The following RBFOX1 variants were observed in gnomAD, a reference collection of about 807,000 sequenced individuals.
RBFOX1 encodes the protein RNA binding protein fox-1 homolog 1.
In RBFOX1, 8 loss-of-function variants were observed where a neutral mutation model predicts 57.7. The observed-to-expected ratio is 0.14, with a 90% confidence interval of 0.08 to 0.25. RBFOX1 has a LOEUF of 0.25. Ranked by LOEUF, RBFOX1 falls within the 10% of genes least tolerant of loss-of-function variation. RBFOX1 has a pLI of 1.00. For missense variants in RBFOX1, 611 were observed against 548.5 expected (o/e 1.11, Z -1.14); for synonymous variants, 326 against 222.4 (o/e 1.47, Z -4.15).
At chr16:7,349,348 T>G (rs1333178575) in intron 4 of RBFOX1, among the ~76,000 whole-genome samples, 1 of 152,120 alleles carries the variant, frequency 6.6e-6, no homozygotes, top group Non-Finnish European at 1.5e-5. Flanking sequence ...GTTTTCAATT[T>G]AAGTGACTTC....
chr16:6,842,190 A>T (rs962960155), intron 3 of RBFOX1, among the ~76,000 whole-genome samples: 1 of 150,008 alleles, frequency 6.7e-6, no homozygotes, highest in Non-Finnish European at 1.5e-5. Context: ...AAATAAATAA[A>T]TTGGAACTGA....
intron 2 of RBFOX1, among the ~76,000 whole-genome samples, chr16:6,496,479 G>C (rs557827895): frequency 6.6e-6 from 1 of 152,106 alleles, no homozygotes; most frequent in Admixed American, 6.5e-5. Context: ...TTGTGGTCTT[G>C]CTCATACAGA....
At chr16:5,815,156 A>ATTTTTTTTTT (rs71142650) in intron 3 of RBFOX1, among the ~76,000 whole-genome samples, 11 of 114,222 alleles carry the variant, frequency 9.6e-5, no homozygotes, top group African/African-American at 3.1e-4. Context: ...ATTTAATTTA[A>ATTTTTTTTTT]TTTTTTTTTT....
chr16:6,842,807 G>C (rs1262297617), intron 3 of RBFOX1, among the ~76,000 whole-genome samples: 1 of 151,982 alleles, frequency 6.6e-6, no homozygotes, highest in Non-Finnish European at 1.5e-5. Flanking sequence ...TTGTCCTAAT[G>C]CTCTCCCTCC....
At chr16:5,718,804 G>T (rs552831561) in intron 3 of RBFOX1, among the ~76,000 whole-genome samples, 2 of 152,232 alleles carry the variant, frequency 1.3e-5, no homozygotes, top group South Asian at 2.1e-4. Context: ...AGCTACTCCA[G>T]AGGCTGAGGC....
In RBFOX1 at chr16:6,311,173, G is replaced by A. The variant is rs995215981; in HGVS notation, c.-126-5822G>A. On this transcript the variant is annotated intron_variant, in intron 1 of 15. Transcript: ENST00000550418. ...TAGCTGGACGTTGTGGTGGGCACCT[G>A]TAATCCCAGCTACTCAGGTGGCTGA... is the stretch of plus-strand genomic sequence containing the variant. 5.9e-5 allele frequency among the ~76,000 whole-genome samples: 9 copies of A among 151,568 alleles called. No homozygotes were observed. The East Asian group carries it at 1.2e-3, about 20-fold the overall frequency.
At chr16:7,413,111 T>C (rs1024506087) in intron 4 of RBFOX1, among the ~76,000 whole-genome samples, 1 of 152,174 alleles carries the variant, frequency 6.6e-6, no homozygotes, top group African/African-American at 2.4e-5. Context: ...GGAATTATTT[T>C]ACTTGAGAAG....
intron 1 of RBFOX1, among the ~76,000 whole-genome samples, chr16:6,214,554 G>GA (rs2097319679): frequency 7.6e-6 from 1 of 131,566 alleles, no homozygotes; most frequent in African/African-American, 2.9e-5. Context: ...GACAGGGAGA[G>GA]GGGGAGAGGG....
rs557708434 is a variant in RBFOX1 at position 6,170,118 on chromosome 16, C to G, written c.-126-146877C>G. ...GACTCAAATATAGAAGTGGGGAGTC[C>G]TTCTCAGGCCACATTTAGTTTGCTT... On this transcript the variant is annotated intron_variant, in intron 1 of 15. Coordinates refer to ENST00000550418, the MANE Select transcript of RBFOX1 (RefSeq NM_018723.4). Among the ~76,000 whole-genome samples, 4 of 152,220 alleles carry G rather than the reference C, an allele frequency of 2.6e-5. No homozygotes were observed. In the East Asian group the frequency reaches 7.7e-4, roughly 29 times the overall value.
At chr16:6,091,555 T>C (rs2096174382) in intron 1 of RBFOX1, among the ~76,000 whole-genome samples, 1 of 152,116 alleles carries the variant, frequency 6.6e-6, no homozygotes, top group Non-Finnish European at 1.5e-5. Flanking sequence ...TGAGGCCGAG[T>C]GTCATGGCTC....
At chr16:6,421,898 T>C (rs80095957) in intron 2 of RBFOX1, among the ~76,000 whole-genome samples, 2,399 of 150,512 alleles carry the variant, frequency 0.016, 63 homozygotes, top group African/African-American at 0.054. Flanking sequence ...CCTGGTCCTG[T>C]TCCTCCTGTT....
In RBFOX1 at chr16:6,414,757, C is replaced by G. The variant is rs183101446; in HGVS notation, c.-64+97700C>G. Among the ~76,000 whole-genome samples the G allele has an allele frequency of 2.0e-3, 297 of 152,200 alleles. 2 individuals are homozygous for G. The highest frequency in any genetic ancestry group is 0.011 in the Admixed American group (166 of 15,262). On this transcript the variant is annotated intron_variant, in intron 2 of 15. Transcript: ENST00000550418. Reference sequence around the variant, plus strand: ...CACTCTACAAAGCAGGGATTCTTACCCAGGGTCAATTTTACTTTTAGTGGA... The same window carrying G: ...CACTCTACAAAGCAGGGATTCTTACGCAGGGTCAATTTTACTTTTAGTGGA...
intron 4 of RBFOX1, among the ~76,000 whole-genome samples, chr16:7,265,562 C>T (rs1404240435): frequency 2.6e-5 from 4 of 152,078 alleles, no homozygotes; most frequent in Admixed American, 6.6e-5. Flanking sequence ...GATTCTCCTG[C>T]CTCAGCCTCC....
At chr16:6,018,968 C>A, upstream of RBFOX1, 1 of 523,268 alleles carries the variant, frequency 1.9e-6, no homozygotes, top group Non-Finnish European at 2.4e-6. Context: ...CACGCGTGAC[C>A]GCGGCGGCGG....
chr16:5,761,166 T>C (rs561392803), intron 3 of RBFOX1, among the ~76,000 whole-genome samples: 150 of 152,278 alleles, frequency 9.9e-4, no homozygotes, highest in African/African-American at 3.6e-3. Flanking sequence ...TCTGTAGATG[T>C]GGGAGGCAGG....
chr16:5,781,844 C>G (rs1392287645), intron 3 of RBFOX1, among the ~76,000 whole-genome samples: 2 of 152,172 alleles, frequency 1.3e-5, no homozygotes, highest in Admixed American at 1.3e-4. Flanking sequence ...TGGTGGATTC[C>G]TCATGAAGAG....
At position 7,630,693 on chromosome 16, in the gene RBFOX1, C is replaced by G. The variant is rs772197905; in HGVS notation, c.757+10C>G. On this transcript the variant is annotated intron_variant, in intron 11 of 15. Coordinates refer to ENST00000550418, the MANE Select transcript of RBFOX1 (RefSeq NM_018723.4). ...GTATATACTTCTGCAAGTAAGCCCA[C>G]TGTCGTGGCTCTTTTTGTTTTGTGA... 2 of 1,614,128 alleles carry G rather than the reference C, an allele frequency of 1.2e-6. No individual in the cohort carries two copies. Among genetic ancestry groups the G allele is most frequent in the Non-Finnish European group, 1.7e-6 (2 of 1,180,038 alleles).
At chr16:5,874,139 G>A (rs2057545498) in intron 4 of RBFOX1, among the ~76,000 whole-genome samples, 1 of 152,186 alleles carries the variant, frequency 6.6e-6, no homozygotes, top group African/African-American at 2.4e-5. Flanking sequence ...GAGTTTGGCA[G>A]TCGTGCCATC....
At chr16:6,441,048 G>T (rs1449448874) in intron 2 of RBFOX1, among the ~76,000 whole-genome samples, 1 of 152,150 alleles carries the variant, frequency 6.6e-6, no homozygotes, top group Admixed American at 6.5e-5. Context: ...AGACCAGGAT[G>T]TTGAGTGCAC....
Sources: allele counts gnomAD v4.1 joint callset (sites outside exome capture counted in the v4.1 genomes callset), GRCh38; gene constraint gnomAD v4.1.1; transcripts MANE v1.5; gene names NCBI Gene and HGNC (gene_info 2026-07-23, HGNC 2026-07-21).